The following DUSP16 variants were observed in gnomAD, a reference collection of about 807,000 sequenced individuals.
DUSP16 encodes the protein dual specificity protein phosphatase 16.
Under a neutral mutation model 58.3 loss-of-function variants are expected in DUSP16, and 21 were observed. The observed-to-expected ratio is 0.36, with a 90% CI of 0.26 to 0.52. The LOEUF is 0.52. Among genes scored for constraint, DUSP16 ranks in the 20% least tolerant of loss-of-function variants. DUSP16 has a pLI of 0.94. For synonymous variants in DUSP16, 320 were observed against 323.8 expected, an observed-to-expected ratio of 0.99 and a Z score of 0.12; for missense variants, 726 against 819.0, an observed-to-expected ratio of 0.89 and a Z score of 1.39.
rs1468683304 is a variant in DUSP16, at chr12:12,519,941, G to C, written c.288C>G (p.Ala96=). Residue 96 remains alanine (A), a synonymous_variant, in exon 3 of 7, where the codon GCC becomes GCG. Transcript: ENST00000298573. The stretch of plus-strand genomic sequence containing the variant: ...TGAGAAAACAGTCTGAAGAGAGAGA[G>C]GCAACATCTTGGGAGCTTTGATCGT... ...VVYDQSSQDV[A]SLSSDCFLTV... is the part of the protein sequence containing the mutation. 3 of 1,613,924 alleles carry C rather than the reference G, an allele frequency of 1.9e-6. No individual in the cohort carries two copies. Among genetic ancestry groups the C allele is most frequent in the Admixed American group, 1.7e-5 (1 of 59,994 alleles).
intron 1 of DUSP16, among the ~76,000 whole-genome samples, chr12:12,559,515 A>G (rs548555135): frequency 9.8e-5 from 15 of 152,338 alleles, no homozygotes; most frequent in African/African-American, 3.6e-4. Flanking sequence ...TTTTAAAAAC[A>G]CTGAATGTCC....
intron 5 of DUSP16, among the ~76,000 whole-genome samples, chr12:12,482,525 A>G (rs886480043): frequency 2.2e-5 from 3 of 138,804 alleles, no homozygotes; most frequent in Non-Finnish European, 3.3e-5. Flanking sequence ...CTTCAAGCAA[A>G]GGAATTAATT....
chr12:12,562,008 C>T (rs1199931982), intron 1 of DUSP16, 109 bp downstream of exon 1: 3 of 150,220 alleles, frequency 2.0e-5, no homozygotes, highest in Non-Finnish European at 4.5e-5. Flanking sequence ...GCGCCCGGCA[C>T]CGGGAGTCGG....
intron 4 of DUSP16, among the ~76,000 whole-genome samples, chr12:12,489,935 A>G (rs1269971576): frequency 6.6e-6 from 1 of 152,210 alleles, no homozygotes; most frequent in Non-Finnish European, 1.5e-5. Flanking sequence ...GTACTGTATT[A>G]AGCATTTAAA....
At chr12:12,552,813 C>T (rs998729687) in intron 1 of DUSP16, among the ~76,000 whole-genome samples, 1 of 152,140 alleles carries the variant, frequency 6.6e-6, no homozygotes, top group Admixed American at 6.5e-5. Context: ...CACAGTCTCG[C>T]TCTGTCGCCC....
At chr12:12,509,756 T>TA (rs1364260849) in intron 3 of DUSP16, among the ~76,000 whole-genome samples, 2 of 152,174 alleles carry the variant, frequency 1.3e-5, no homozygotes, top group East Asian at 3.9e-4. Context: ...AATCCTTCCT[T>TA]GTTACAATGA....
chr12:12,546,456 T>C (rs1376841446), intron 1 of DUSP16, among the ~76,000 whole-genome samples: 2 of 152,232 alleles, frequency 1.3e-5, no homozygotes, highest in East Asian at 1.9e-4. Context: ...CTGACCATTA[T>C]GGCAACTTTC....
At chr12:12,544,174 G>T (rs1455561777) in intron 1 of DUSP16, among the ~76,000 whole-genome samples, 1 of 151,966 alleles carries the variant, frequency 6.6e-6, no homozygotes, top group East Asian at 1.9e-4. Context: ...CTCCCCAAAG[G>T]TAACCACGAA....
chr12:12,474,185 G>A lies in DUSP16; in HGVS notation c.*2648C>T, dbSNP rs924197004. ...CAACTTGAGTGGTGGTGTTCCCACC[G>A]AGTTTATGGCTGCAAAGATAGGTCT... On this transcript the variant is annotated 3_prime_UTR_variant, in exon 7 of 7. Transcript: ENST00000298573. The A allele has an allele frequency of 2.6e-5, 4 of 152,270 alleles. No homozygotes were observed. Among genetic ancestry groups the A allele is most frequent in the East Asian group, 3.9e-4 (2 of 5,190 alleles). 9.4% of individuals were successfully genotyped at this position (152,270 alleles called of 1,614,324 possible).
rs755298554 is a variant in DUSP16 at position 12,552,235 on chromosome 12, C to A, written c.-366+9882G>T. Among the ~76,000 whole-genome samples the A allele has an allele frequency of 2.6e-5, 4 of 151,992 alleles. No homozygotes were observed. In the East Asian group the frequency reaches 7.8e-4, roughly 30 times the overall value. The stretch of plus-strand genomic sequence containing the variant: ...CCGAGGCAAGCGGATCACTTGGGGT[C>A]GGGAGTTTGAGACCAGCCTGGTCAA... On this transcript the variant is annotated intron_variant, in intron 1 of 6. Coordinates refer to ENST00000298573, the MANE Select transcript of DUSP16 (RefSeq NM_030640.3).
intron 4 of DUSP16, among the ~76,000 whole-genome samples, chr12:12,493,556 C>A (rs567906649): frequency 2.6e-5 from 4 of 152,180 alleles, no homozygotes; most frequent in Non-Finnish European, 4.4e-5. Context: ...AAGTCCTATG[C>A]AGAAATCTTG....
At chr12:12,552,109 A>G (rs1352059549) in intron 1 of DUSP16, among the ~76,000 whole-genome samples, 3 of 152,342 alleles carry the variant, frequency 2.0e-5, no homozygotes, top group Middle Eastern at 3.4e-3. Context: ...TACAGAGTAC[A>G]CAAAATTCAC....
intron 1 of DUSP16, among the ~76,000 whole-genome samples, chr12:12,531,373 T>C (rs1462165317): frequency 1.3e-5 from 2 of 152,176 alleles, no homozygotes; most frequent in Non-Finnish European, 2.9e-5. Context: ...TACATTCTCC[T>C]GAAGATAATT....
At chr12:12,526,626 T>G (rs1024888940) in intron 1 of DUSP16, among the ~76,000 whole-genome samples, 6 of 152,212 alleles carry the variant, frequency 3.9e-5, no homozygotes. Flanking sequence ...CACTTCAAAA[T>G]TTGTGCCTAG....
Position 12,487,074 on chromosome 12 carries a change from A to G in DUSP16, c.645T>C (p.Phe215=). 6.2e-7 allele frequency: 1 copy of G among 1,614,158 alleles called. No individual in the cohort carries two copies. The highest frequency in any genetic ancestry group is 1.3e-5 in the African/African-American group (1 of 75,040). ...CCAACCACGGCAAAATTTTCTCACA[A>G]AAGCTGTCATTCACAGGCACACGCA... ...HFLRVPVNDS[F]CEKILPWLDK... is the part of the protein sequence containing the mutation. The change falls in exon 5 of 7, where the codon TTT becomes TTC. Residue 215 remains phenylalanine, a synonymous_variant. Coordinates refer to ENST00000298573, the MANE Select transcript of DUSP16 (RefSeq NM_030640.3).
At chr12:12,523,585 T>C (rs1415638462) in intron 1 of DUSP16, among the ~76,000 whole-genome samples, 3 of 152,250 alleles carry the variant, frequency 2.0e-5, no homozygotes, top group African/African-American at 7.2e-5. Flanking sequence ...CATTAATGTA[T>C]TATTTTTAGC....
At chr12:12,518,454 A>G (rs769144088) in intron 3 of DUSP16, among the ~76,000 whole-genome samples, 2 of 151,970 alleles carry the variant, frequency 1.3e-5, no homozygotes, top group Non-Finnish European at 2.9e-5. Flanking sequence ...CAGAGGTTGC[A>G]GCAAGCCAAG....
At chr12:12,550,910 CACTT>C (rs1262549099) in intron 1 of DUSP16, among the ~76,000 whole-genome samples, 1 of 152,012 alleles carries the variant, frequency 6.6e-6, no homozygotes, top group African/African-American at 2.4e-5. Flanking sequence ...AAGCCAGTCT[CACTT>C]AACAACATCC....
chr12:12,504,416 C>T (rs1943954978), intron 3 of DUSP16, among the ~76,000 whole-genome samples: 1 of 152,024 alleles, frequency 6.6e-6, no homozygotes, highest in Non-Finnish European at 1.5e-5. Flanking sequence ...GGAACACCAC[C>T]ACGCCCAGCT....
Sources: gnomAD v4.1 joint callset for allele counts (sites outside exome capture counted in the v4.1 genomes callset) on GRCh38, gnomAD v4.1.1 for gene constraint, MANE v1.5 for transcripts, NCBI Gene and HGNC (gene_info 2026-07-23, HGNC 2026-07-21) for gene names.